RBFOX1: variants seen among roughly 807,000 people sequenced by gnomAD.
RBFOX1 encodes RNA binding fox-1 homolog 1.
In RBFOX1, 8 loss-of-function variants were observed where a neutral mutation model predicts 57.7. The ratio of observed to expected loss-of-function variants is 0.14; its 90% CI spans 0.08 to 0.25. The LOEUF (loss-of-function observed/expected upper bound fraction) is 0.25, where lower values mean the gene tolerates loss of function less well. RBFOX1 is among the 10% of genes least tolerant of loss of function. The pLI is 1.00. For missense variants in RBFOX1, 611 were observed against 548.5 expected (o/e 1.11, Z -1.14); for synonymous variants, 326 against 222.4 (o/e 1.47, Z -4.15).
At chr16:5,291,038 C>G (rs528663279) in intron 1 of RBFOX1, among the ~76,000 whole-genome samples, 1 of 152,120 alleles carries the variant, frequency 6.6e-6, no homozygotes, top group Non-Finnish European at 1.5e-5. Context: ...GTGGCTGAAG[C>G]CTGCAGGGCA....
At chr16:6,831,041 C>G (rs914503065) in intron 3 of RBFOX1, among the ~76,000 whole-genome samples, 1 of 152,212 alleles carries the variant, frequency 6.6e-6, no homozygotes, top group African/African-American at 2.4e-5. Context: ...ATTGATCTCA[C>G]TCTTTTTGCT....
chr16:5,984,976 A>ATTTTTTTT (rs869160414), intron 4 of RBFOX1, among the ~76,000 whole-genome samples: 1 of 55,714 alleles, frequency 1.8e-5, no homozygotes, highest in Non-Finnish European at 3.0e-5. Flanking sequence ...ATATATATAT[A>ATTTTTTTT]TTTTTTTTTT....
chr16:6,695,003 A>G (rs1192711897), intron 3 of RBFOX1, among the ~76,000 whole-genome samples: 5 of 152,114 alleles, frequency 3.3e-5, no homozygotes, highest in South Asian at 2.1e-4. Context: ...TGACACATAG[A>G]CATTCTAAAA....
At chr16:6,224,139 G>A (rs1220620013) in intron 1 of RBFOX1, among the ~76,000 whole-genome samples, 1 of 152,122 alleles carries the variant, frequency 6.6e-6, no homozygotes, top group South Asian at 2.1e-4. Context: ...GTAGCGTGAT[G>A]CCTCCAGCTT....
chr16:6,116,786 C>G (rs538041000), intron 1 of RBFOX1, among the ~76,000 whole-genome samples: 1 of 152,054 alleles, frequency 6.6e-6, no homozygotes, highest in South Asian at 2.1e-4. Context: ...TAAGATATTA[C>G]TAGGAATTTA....
At chr16:6,903,707 G>C (rs1369790380) in intron 3 of RBFOX1, among the ~76,000 whole-genome samples, 1 of 152,130 alleles carries the variant, frequency 6.6e-6, no homozygotes. Context: ...AAGGGCAGCA[G>C]AGCAAGCACT....
intron 3 of RBFOX1, among the ~76,000 whole-genome samples, chr16:5,633,889 C>G (rs776221353): frequency 1.3e-5 from 2 of 151,226 alleles, no homozygotes; most frequent in South Asian, 2.1e-4. Flanking sequence ...AATACATAGA[C>G]AGTTCTCAAA....
chr16:6,601,693 G>C (rs2097855298), intron 2 of RBFOX1, among the ~76,000 whole-genome samples: 1 of 152,132 alleles, frequency 6.6e-6, no homozygotes. Flanking sequence ...AGATCTGTAG[G>C]AGAGGCTTCA....
At chr16:5,967,871 CTGTTT>C (rs1054809543) in intron 4 of RBFOX1, among the ~76,000 whole-genome samples, 3 of 152,082 alleles carry the variant, frequency 2.0e-5, no homozygotes, top group East Asian at 1.9e-4. Context: ...TGGGGACTGG[CTGTTT>C]TGTTTTGTTT....
At chr16:6,276,314 A>G (rs966283823) in intron 1 of RBFOX1, among the ~76,000 whole-genome samples, 3 of 152,152 alleles carry the variant, frequency 2.0e-5, no homozygotes, top group Non-Finnish European at 2.9e-5. Context: ...GCACATGCTC[A>G]TAGAAATATG....
rs143668888 is a variant in RBFOX1, at chr16:6,844,931, A to G, written c.-16+190281A>G. 1.0e-3 allele frequency among the ~76,000 whole-genome samples: 157 copies of G among 152,248 alleles called. 1 individual carries two copies. The highest frequency in any genetic ancestry group is 7.5e-3 in the East Asian group (39 of 5,184). ...GGTTTTGATTTGAATTTCTCTAATG[A>G]TCAGTGATACTAAGCTTTTTTCCTA... is the stretch of plus-strand genomic sequence containing the variant. On this transcript the variant is annotated intron_variant, in intron 3 of 15. Coordinates refer to ENST00000550418, the MANE Select transcript of RBFOX1 (RefSeq NM_018723.4).
intron 2 of RBFOX1, among the ~76,000 whole-genome samples, chr16:6,607,644 C>T (rs984149835): frequency 6.6e-6 from 1 of 151,962 alleles, no homozygotes; most frequent in Non-Finnish European, 1.5e-5. Context: ...TCTCTCCTCT[C>T]TCTTTCTGTC....
At chr16:5,417,648 T>C (rs537410649) in intron 1 of RBFOX1, among the ~76,000 whole-genome samples, 1 of 152,248 alleles carries the variant, frequency 6.6e-6, no homozygotes, top group South Asian at 2.1e-4. Context: ...CCTTTTCAGG[T>C]TGGATCTGGG....
At chr16:6,456,281 C>T (rs1286198680) in intron 2 of RBFOX1, among the ~76,000 whole-genome samples, 5 of 151,928 alleles carry the variant, frequency 3.3e-5, no homozygotes, top group Non-Finnish European at 4.4e-5. Flanking sequence ...TATGTGTGTG[C>T]GTGTGTAAGA....
At chr16:5,366,938 T>A (rs967755591) in intron 1 of RBFOX1, among the ~76,000 whole-genome samples, 4 of 152,202 alleles carry the variant, frequency 2.6e-5, no homozygotes, top group African/African-American at 9.7e-5. Context: ...GTAATAGCAG[T>A]GGTCAGACAT....
At chr16:6,862,280 G>A (rs372568184) in intron 3 of RBFOX1, among the ~76,000 whole-genome samples, 3 of 152,140 alleles carry the variant, frequency 2.0e-5, no homozygotes, top group East Asian at 1.9e-4. Context: ...TTTTAATTCT[G>A]TAGGTCTGGA....
chr16:6,372,375 G>A (rs1299599530), intron 2 of RBFOX1, among the ~76,000 whole-genome samples: 1 of 151,826 alleles, frequency 6.6e-6, no homozygotes, highest in African/African-American at 2.4e-5. Context: ...GGTTGGTTAG[G>A]ATCTTTGGGT....
intron 4 of RBFOX1, among the ~76,000 whole-genome samples, chr16:6,003,466 C>A (rs1279689363): frequency 6.6e-6 from 1 of 152,040 alleles, no homozygotes; most frequent in African/African-American, 2.4e-5. Context: ...CGCCACCGCC[C>A]ACCACCACCC....
At chr16:6,033,198 A>G (rs1596533415) in intron 1 of RBFOX1, among the ~76,000 whole-genome samples, 1 of 152,248 alleles carries the variant, frequency 6.6e-6, no homozygotes, top group East Asian at 1.9e-4. Context: ...ATTCACTCAA[A>G]TAATTAAAAA....
Sources: allele counts gnomAD v4.1 joint callset (sites outside exome capture counted in the v4.1 genomes callset), GRCh38; gene constraint gnomAD v4.1.1; transcripts MANE v1.5; gene names NCBI Gene and HGNC (gene_info 2026-07-23, HGNC 2026-07-21).